Variants in MAF observed in about 807,000 individuals in gnomAD.
MAF encodes transcription factor Maf.
MAF carries 10 observed loss-of-function variants against 22.0 expected under a neutral mutation model. The ratio of observed to expected loss-of-function variants is 0.45; its 90% CI spans 0.28 to 0.77. The LOEUF is 0.77. Among genes scored for constraint, MAF ranks in the 30% least tolerant of loss-of-function variants. The pLI is 0.12. For synonymous variants in MAF, 337 were observed against 255.8 expected (o/e 1.32, Z -3.03); for missense variants, 544 against 548.4 (o/e 0.99, Z 0.08).
At chr16:79,463,430 C>T in the MAF span, among the ~76,000 whole-genome samples, 1 of 152,190 alleles carries the variant, frequency 6.6e-6, no homozygotes, top group South Asian at 2.1e-4. Flanking sequence ...AGCATAAACA[C>T]ACAATGACAA....
chr16:79,600,057 C>G lies in MAF; in HGVS notation c.-155G>C. 1.0e-6 allele frequency: 1 copy of G among 981,818 alleles called. No individual in the cohort carries two copies. Among genetic ancestry groups the G allele is most frequent in the Non-Finnish European group, 1.5e-6 (1 of 670,474 alleles). The allele number at this position is 981,818 out of a possible 1,614,324, so 60.8% of individuals were successfully genotyped here. On this transcript the variant is annotated 5_prime_UTR_variant, in exon 1 of 2. Coordinates refer to ENST00000326043, the MANE Select transcript of MAF (RefSeq NM_005360.5). ...CGGTGGCTGGCCCGAAACCTCCGAG[C>G]GCGCTCACACACACACCCCCCCGCC...
At chr16:79,211,785 C>T in the MAF span, 10 of 1,614,026 alleles carry the variant, frequency 6.2e-6, no homozygotes, top group Non-Finnish European at 8.5e-6. Flanking sequence ...GCTTGGCAGC[C>T]AGTCCGGCTA....
At chr16:79,238,681 A>G in the MAF span, among the ~76,000 whole-genome samples, 12 of 152,206 alleles carry the variant, frequency 7.9e-5, no homozygotes, top group East Asian at 1.9e-3. Flanking sequence ...ACAAATTTTT[A>G]AAGTATAAAT....
the MAF span, among the ~76,000 whole-genome samples, chr16:79,362,822 A>C: frequency 1.2e-4 from 19 of 152,380 alleles, no homozygotes; most frequent in East Asian, 3.5e-3. Context: ...TGCTCAAAGC[A>C]AGTGCTTTGC....
At chr16:79,349,454 C>T in the MAF span, among the ~76,000 whole-genome samples, 1 of 152,194 alleles carries the variant, frequency 6.6e-6, no homozygotes, top group Non-Finnish European at 1.5e-5. Flanking sequence ...TCTTGTACAT[C>T]CTATCAGGAA....
chr16:79,486,458 A>C, the MAF span, among the ~76,000 whole-genome samples: 1 of 151,884 alleles, frequency 6.6e-6, no homozygotes, highest in Non-Finnish European at 1.5e-5. Flanking sequence ...CATCTAAAAC[A>C]TAAACATAAC....
chr16:79,419,940 T>C, the MAF span, among the ~76,000 whole-genome samples: 1 of 152,124 alleles, frequency 6.6e-6, no homozygotes, highest in South Asian at 2.1e-4. Flanking sequence ...CCACTCACAC[T>C]TTCCATGGAG....
At chr16:79,386,739 G>A in the MAF span, among the ~76,000 whole-genome samples, 37 of 152,278 alleles carry the variant, frequency 2.4e-4, no homozygotes, top group African/African-American at 8.2e-4. Context: ...TGATGGGGTC[G>A]TGGAAGTCTC....
chr16:79,425,422 T>C, the MAF span, among the ~76,000 whole-genome samples: 3 of 152,166 alleles, frequency 2.0e-5, 1 homozygote, highest in Non-Finnish European at 4.4e-5. Context: ...AAAGGCACAA[T>C]TTGTGGCCTA....
the MAF span, among the ~76,000 whole-genome samples, chr16:79,295,512 T>C: frequency 6.6e-5 from 10 of 152,362 alleles, no homozygotes; most frequent in South Asian, 4.1e-4. Context: ...AACTCAGTGA[T>C]TGGCACATGT....
intron 1 of MAF, among the ~76,000 whole-genome samples, chr16:79,586,139 G>C (rs190126644): frequency 9.0e-4 from 137 of 152,268 alleles, no homozygotes; most frequent in African/African-American, 3.1e-3. Context: ...ACGTGGAAGG[G>C]AATGGCCTGC....
chr16:79,418,260 A>T, the MAF span, among the ~76,000 whole-genome samples: 2 of 152,138 alleles, frequency 1.3e-5, no homozygotes, highest in African/African-American at 4.8e-5. Context: ...GTTGAGTTTT[A>T]AAAATAAATA....
chr16:79,473,837 T>G, the MAF span, among the ~76,000 whole-genome samples: 20 of 152,094 alleles, frequency 1.3e-4, no homozygotes, highest in Non-Finnish European at 2.8e-4. Flanking sequence ...AGTTTTAAAT[T>G]TAAAAAAAAT....
the MAF span, among the ~76,000 whole-genome samples, chr16:79,339,822 C>T: frequency 1.3e-5 from 2 of 152,176 alleles, no homozygotes; most frequent in East Asian, 3.9e-4. Flanking sequence ...AATCAGCCAG[C>T]CCCTTAACAA....
At chr16:79,598,563 A>G in intron 1 of MAF, 3 of 1,437,070 alleles carry the variant, frequency 2.1e-6, no homozygotes, top group East Asian at 2.6e-5. Context: ...CACCACCACA[A>G]ACTCGAGCAG....
intron 1 of MAF, 176 bp downstream of exon 1, chr16:79,598,608 GT>G: frequency 1.3e-6 from 2 of 1,496,562 alleles, no homozygotes; most frequent in Non-Finnish European, 1.8e-6. Flanking sequence ...GTGTGTGTGT[GT>G]GGTGTGTGCG....
At chr16:79,228,609 T>C in the MAF span, among the ~76,000 whole-genome samples, 15 of 152,212 alleles carry the variant, frequency 9.9e-5, 1 homozygote, top group Admixed American at 2.6e-4. Flanking sequence ...TTTTCAATGG[T>C]TGGCACCTTT....
At chr16:79,598,691 G>T (rs903098570) in intron 1 of MAF, 94 bp downstream of exon 1, 1 of 1,575,738 alleles carries the variant, frequency 6.3e-7, no homozygotes, top group South Asian at 1.2e-5. Context: ...AGGTGGTGGC[G>T]AGCATGGCTC....
At chr16:79,232,692 T>A in the MAF span, among the ~76,000 whole-genome samples, 5 of 152,098 alleles carry the variant, frequency 3.3e-5, no homozygotes, top group African/African-American at 1.2e-4. Context: ...TTCTTTGTTC[T>A]CCATGATGCC....
Sources: allele counts gnomAD v4.1 joint callset (sites outside exome capture counted in the v4.1 genomes callset), GRCh38; gene constraint gnomAD v4.1.1; transcripts MANE v1.5; gene names NCBI Gene and HGNC (gene_info 2026-07-23, HGNC 2026-07-21).